The following CA10 variants were observed in gnomAD, a reference collection of about 807,000 sequenced individuals.
CA10 encodes carbonic anhydrase-related protein 10.
CA10 carries 14 observed loss-of-function variants against 44.2 expected under a neutral mutation model. That is an observed-to-expected ratio of 0.32 (90% CI 0.21 to 0.50). CA10 has a LOEUF of 0.50. Ranked by LOEUF, CA10 falls within the 20% of genes least tolerant of loss-of-function variation. CA10 has a pLI of 0.99. For synonymous variants in CA10, 159 were observed against 141.6 expected (o/e 1.12, Z -0.87); for missense variants, 350 against 409.7 (o/e 0.85, Z 1.26).
intron 3 of CA10, among the ~76,000 whole-genome samples, chr17:51,915,945 C>T (rs1272808209): frequency 1.3e-5 from 2 of 150,500 alleles, no homozygotes; most frequent in Admixed American, 6.7e-5. Flanking sequence ...GCTATTTCCT[C>T]ACTGCTATTA....
rs370490493 is a variant in CA10 at position 51,819,956 on chromosome 17, TTGTCTC to T, written c.280-72144_280-72139del. On this transcript the variant is annotated intron_variant, in intron 3 of 8. Coordinates refer to ENST00000451037, the MANE Select transcript of CA10 (RefSeq NM_020178.5). ...TTTATCCCCCTCTCTGTCTCTCCCT[TTGTCTC>T]TGTCTCTGTCTGTCCTTGTTTGAGG... Among the ~76,000 whole-genome samples the T allele has an allele frequency of 4.3e-3, 659 of 152,252 alleles. 4 individuals are homozygous for T. Among genetic ancestry groups the T allele is most frequent in the African/African-American group, 0.014 (597 of 41,540 alleles).
At chr17:51,998,449 C>T in intron 2 of CA10, among the ~76,000 whole-genome samples, 1 of 151,962 alleles carries the variant, frequency 6.6e-6, no homozygotes, top group East Asian at 1.9e-4. Flanking sequence ...AATGCCTGTC[C>T]CTGGGAATTT....
chr17:52,093,104 AG>A (rs1048790067), intron 1 of CA10, among the ~76,000 whole-genome samples: 8 of 152,190 alleles, frequency 5.3e-5, no homozygotes, highest in Non-Finnish European at 1.0e-4. Context: ...TGGTAATATT[AG>A]TGAGGACATA....
At chr17:51,848,730 G>A (rs572237970) in intron 3 of CA10, among the ~76,000 whole-genome samples, 8 of 152,230 alleles carry the variant, frequency 5.3e-5, no homozygotes, top group African/African-American at 9.6e-5. Context: ...GGAGGCAGTC[G>A]TGAGAAATCC....
chr17:51,653,164 A>G (rs977604181), intron 5 of CA10, among the ~76,000 whole-genome samples: 7 of 152,300 alleles, frequency 4.6e-5, no homozygotes, highest in Middle Eastern at 3.4e-3. Flanking sequence ...AGAGAGAAAG[A>G]TGATGCTCAG....
intron 1 of CA10, among the ~76,000 whole-genome samples, chr17:52,095,785 A>G (rs2143228077): frequency 6.6e-6 from 1 of 152,248 alleles, no homozygotes; most frequent in Non-Finnish European, 1.5e-5. Flanking sequence ...CTCACTCCCC[A>G]AACTCCAGCC....
intron 2 of CA10, among the ~76,000 whole-genome samples, chr17:52,046,348 G>T (rs1329946467): frequency 1.3e-5 from 2 of 150,322 alleles, no homozygotes. Flanking sequence ...ATATATAAAA[G>T]GTATAAATTA....
At chr17:51,768,572 G>A (rs1450876475) in intron 3 of CA10, among the ~76,000 whole-genome samples, 3 of 152,202 alleles carry the variant, frequency 2.0e-5, no homozygotes, top group Non-Finnish European at 4.4e-5. Flanking sequence ...CAATGAGGAT[G>A]TCATCTGCTT....
chr17:51,777,398 A>C (rs186824236), intron 3 of CA10, among the ~76,000 whole-genome samples: 47 of 152,326 alleles, frequency 3.1e-4, no homozygotes, highest in African/African-American at 1.1e-3. Context: ...CAGATCAAAA[A>C]TACAGTATTT....
intron 3 of CA10, among the ~76,000 whole-genome samples, chr17:51,883,541 C>T (rs73346548): frequency 0.02 from 3,063 of 152,260 alleles, 85 homozygotes; most frequent in African/African-American, 0.07. Context: ...TTGTTGACTC[C>T]GTGGTCATTT....
intron 1 of CA10, among the ~76,000 whole-genome samples, chr17:52,139,880 A>C (rs931652347): frequency 6.6e-6 from 1 of 152,204 alleles, no homozygotes; most frequent in African/African-American, 2.4e-5. Context: ...TAATATTATG[A>C]ACAGTTAAGT....
intron 2 of CA10, among the ~76,000 whole-genome samples, chr17:51,947,171 C>T (rs552517944): frequency 6.8e-6 from 1 of 146,132 alleles, no homozygotes; most frequent in East Asian, 2.0e-4. Context: ...TTTAGAGGCC[C>T]TCAGGCACTT....
intron 4 of CA10, among the ~76,000 whole-genome samples, chr17:51,670,820 G>C (rs1914389209): frequency 1.3e-5 from 2 of 152,146 alleles, no homozygotes; most frequent in Admixed American, 1.3e-4. Context: ...CTCCAATTTA[G>C]AGTTAAGGAA....
At chr17:51,935,593 T>TA (rs1229809296) in intron 2 of CA10, among the ~76,000 whole-genome samples, 2 of 152,214 alleles carry the variant, frequency 1.3e-5, no homozygotes, top group African/African-American at 4.8e-5. Context: ...CGATGTGTTA[T>TA]CTTGCCAAAG....
At chr17:52,018,766 A>C (rs1986046565) in intron 2 of CA10, among the ~76,000 whole-genome samples, 1 of 152,018 alleles carries the variant, frequency 6.6e-6, no homozygotes, top group African/African-American at 2.4e-5. Flanking sequence ...AATTTGGAGG[A>C]CCAGGGAAGA....
intron 4 of CA10, among the ~76,000 whole-genome samples, chr17:51,740,936 T>A (rs377747735): frequency 2.0e-5 from 3 of 152,216 alleles, no homozygotes; most frequent in Non-Finnish European, 4.4e-5. Context: ...TCTCTCTCCA[T>A]AGCATTTATC....
intron 3 of CA10, among the ~76,000 whole-genome samples, chr17:51,826,439 G>A (rs752486266): frequency 6.6e-6 from 1 of 152,176 alleles, no homozygotes; most frequent in Non-Finnish European, 1.5e-5. Flanking sequence ...TACCTCACGG[G>A]CTGTTGTGAC....
At chr17:51,945,626 T>C (rs963646140) in intron 2 of CA10, among the ~76,000 whole-genome samples, 1 of 152,104 alleles carries the variant, frequency 6.6e-6, no homozygotes, top group Non-Finnish European at 1.5e-5. Flanking sequence ...ATCTCATTTC[T>C]TGGGACTGTC....
intron 1 of CA10, among the ~76,000 whole-genome samples, chr17:52,117,766 A>G (rs772511084): frequency 1.4e-4 from 21 of 152,384 alleles, no homozygotes; most frequent in South Asian, 2.1e-4. Context: ...GTGTAAGAAC[A>G]GTAAAATGTG....
Sources: gnomAD v4.1 joint callset for allele counts (sites outside exome capture counted in the v4.1 genomes callset) on GRCh38, gnomAD v4.1.1 for gene constraint, MANE v1.5 for transcripts, NCBI Gene and HGNC (gene_info 2026-07-23, HGNC 2026-07-21) for gene names.